CRACD: variants seen among roughly 807,000 people sequenced by gnomAD.
CRACD encodes the protein capping protein-inhibiting regulator of actin dynamics.
A neutral mutation model predicts 106.8 loss-of-function variants in CRACD; 56 were observed. The observed-to-expected ratio is 0.52, with a 90% CI of 0.42 to 0.66. The LOEUF (loss-of-function observed/expected upper bound fraction) is 0.66. CRACD is among the 30% of genes least tolerant of loss of function. The pLI, the probability that CRACD is intolerant of heterozygous loss-of-function variation, is 0.00. For missense variants in CRACD, 1,730 were observed against 1,623.2 expected (o/e 1.07, Z -1.13); for synonymous variants, 754 against 670.8 (o/e 1.12, Z -1.92).
intron 1 of CRACD, among the ~76,000 whole-genome samples, chr4:56,158,794 A>G (rs1005246760): frequency 4.6e-5 from 7 of 152,242 alleles, no homozygotes; most frequent in African/African-American, 1.7e-4. Context: ...GAATTTGCAT[A>G]TTGATGAAAG....
chr4:56,155,169 CTT>C (rs1321951163), intron 1 of CRACD, among the ~76,000 whole-genome samples: 2 of 152,018 alleles, frequency 1.3e-5, no homozygotes, highest in Non-Finnish European at 2.9e-5. Context: ...TGGCACAAGT[CTT>C]TTCATTTCAA....
intron 2 of CRACD, among the ~76,000 whole-genome samples, chr4:56,259,177 A>G (rs1426371236): frequency 6.6e-6 from 1 of 152,170 alleles, no homozygotes; most frequent in African/African-American, 2.4e-5. Flanking sequence ...CATGAATGGC[A>G]TGCAGGGGAG....
chr4:56,315,821 G>C lies in CRACD; in HGVS notation c.2319G>C (p.Pro773=). The part of the protein sequence containing the change: ...PAGVRELGKG[P]EKSEMHREPA... ...GTGTTCGCGAGCTCGGGAAGGGTCC[G>C]GAGAAGTCGGAGATGCACCGGGAGC... The change falls in exon 8 of 11, where the codon CCG becomes CCC. Residue 773 remains proline, a synonymous_variant. Coordinates refer to ENST00000682029, the MANE Select transcript of CRACD (RefSeq NM_001393381.1). The surrounding 1 kb of genome is among the most constrained non-coding windows in gnomAD (Gnocchi z 4.1). 2 of 1,614,168 alleles carry C rather than the reference G, an allele frequency of 1.2e-6. No homozygotes were observed. Among genetic ancestry groups the C allele is most frequent in the South Asian group, 2.2e-5 (2 of 91,082 alleles).
chr4:56,051,632 G>A (rs1301173446), intron 1 of CRACD, among the ~76,000 whole-genome samples: 2 of 152,070 alleles, frequency 1.3e-5, no homozygotes, highest in Non-Finnish European at 2.9e-5. Context: ...TGGATCTCAC[G>A]CCCAGAGCTT....
intron 2 of CRACD, among the ~76,000 whole-genome samples, chr4:56,238,987 T>C (rs981718000): frequency 1.3e-5 from 2 of 152,188 alleles, no homozygotes; most frequent in Non-Finnish European, 2.9e-5. Flanking sequence ...TCTAAACTTA[T>C]GTAAAGATTA....
intron 1 of CRACD, among the ~76,000 whole-genome samples, chr4:56,077,353 G>A (rs1175054606): frequency 6.6e-6 from 1 of 152,136 alleles, no homozygotes; most frequent in African/African-American, 2.4e-5. Flanking sequence ...CCTCCTATGG[G>A]TCCCTCCCAT....
rs146693174 is a variant in CRACD, at chr4:56,082,522, A to G, written c.-336+33223A>G. On this transcript the variant is annotated intron_variant, in intron 1 of 10. Coordinates refer to ENST00000682029, the MANE Select transcript of CRACD (RefSeq NM_001393381.1). Reference sequence around the variant, plus strand: ...TGGTGCCTTTTATGAGGGGGATGGTAGGGTAGATGGAGTGAAGTAGATAGA... The same window carrying G: ...TGGTGCCTTTTATGAGGGGGATGGTGGGGTAGATGGAGTGAAGTAGATAGA... 2.6e-5 allele frequency among the ~76,000 whole-genome samples: 4 copies of G among 152,308 alleles called. No homozygotes were observed. In the East Asian group the frequency reaches 5.8e-4, roughly 22 times the overall value.
chr4:56,255,876 C>T (rs1741325516), intron 2 of CRACD, among the ~76,000 whole-genome samples: 1 of 152,192 alleles, frequency 6.6e-6, no homozygotes. Flanking sequence ...AAAAGCTGCT[C>T]ATTTTGAATA....
intron 1 of CRACD, among the ~76,000 whole-genome samples, chr4:56,076,249 C>G (rs897980863): frequency 3.3e-5 from 5 of 152,128 alleles, no homozygotes; most frequent in Non-Finnish European, 7.4e-5. Flanking sequence ...CCTGCCGGCA[C>G]CTTGATCTCA....
intron 1 of CRACD, among the ~76,000 whole-genome samples, chr4:56,091,574 A>G (rs981536703): frequency 6.6e-6 from 1 of 152,042 alleles, no homozygotes; most frequent in Admixed American, 6.5e-5. Context: ...AAAGCCTGCT[A>G]TGTTTCAGGG....
rs1433680329 is a variant in CRACD, at chr4:56,314,552, G to A, written c.1050G>A (p.Glu350=). The A allele has an allele frequency of 6.6e-7, 1 of 1,508,800 alleles. No homozygotes were observed. Among genetic ancestry groups the A allele is most frequent in the Non-Finnish European group, 8.8e-7 (1 of 1,131,766 alleles). 93.5% of individuals were successfully genotyped at this position (1,508,800 alleles called of 1,614,324 possible). A position where few individuals can be genotyped will look rare whatever the true frequency, so the allele number is the denominator to read the frequency against. ...AGGAGCGGAGGCGGCAGGAGGAGGA[G>A]GAAGGAAGATGCGCGGAGGAGCTCA... The part of the protein sequence containing the change: ...RLEERRRQEE[E]EGRCAEELKR... The change falls in exon 8 of 11, where the codon GAG becomes GAA. Residue 350 remains glutamate (E), a synonymous_variant. Transcript: ENST00000682029. The surrounding 1 kb of genome is among the most constrained non-coding windows in gnomAD (Gnocchi z 4.4).
At chr4:56,281,998 T>A (rs1743064963) in intron 3 of CRACD, among the ~76,000 whole-genome samples, 1 of 152,214 alleles carries the variant, frequency 6.6e-6, no homozygotes, top group East Asian at 1.9e-4. Flanking sequence ...TATATTTTGA[T>A]AGAATACGGA....
intron 1 of CRACD, among the ~76,000 whole-genome samples, chr4:56,137,410 A>G (rs1735039529): frequency 6.6e-6 from 1 of 152,238 alleles, no homozygotes; most frequent in Non-Finnish European, 1.5e-5. Flanking sequence ...AATAGTAACA[A>G]TAAATTATAG....
chr4:56,101,484 C>T (rs1387347451), intron 1 of CRACD, among the ~76,000 whole-genome samples: 4 of 152,130 alleles, frequency 2.6e-5, no homozygotes, highest in African/African-American at 9.6e-5. Flanking sequence ...ATGTGTTGGC[C>T]GGGTGCAGTG....
At chr4:56,082,629 C>T (rs1370920588) in intron 1 of CRACD, among the ~76,000 whole-genome samples, 1 of 152,048 alleles carries the variant, frequency 6.6e-6, no homozygotes, top group East Asian at 1.9e-4. Flanking sequence ...TCAAAGATGA[C>T]TTCTAGGTTT....
chr4:56,099,095 G>T (rs1226570155), intron 1 of CRACD, among the ~76,000 whole-genome samples: 1 of 152,202 alleles, frequency 6.6e-6, no homozygotes, highest in African/African-American at 2.4e-5. Context: ...ACAGGTGACA[G>T]TTTAGATTTC....
intron 1 of CRACD, among the ~76,000 whole-genome samples, chr4:56,146,089 T>C (rs1475591379): frequency 6.6e-6 from 1 of 152,206 alleles, no homozygotes; most frequent in Non-Finnish European, 1.5e-5. Flanking sequence ...TACATTTTAT[T>C]ATTATGGACT....
intron 2 of CRACD, among the ~76,000 whole-genome samples, chr4:56,256,352 G>A (rs1400667459): frequency 6.6e-6 from 1 of 152,142 alleles, no homozygotes; most frequent in Non-Finnish European, 1.5e-5. Flanking sequence ...TGCCATGATT[G>A]TGAGGCCTCC....
At chr4:56,301,185 TA>T in intron 4 of CRACD, 1 of 1,267,994 alleles carries the variant, frequency 7.9e-7, no homozygotes, top group South Asian at 1.3e-5. Flanking sequence ...ACTTGAGATA[TA>T]ACTGAATCAT....
Sources: allele counts gnomAD v4.1 joint callset (sites outside exome capture counted in the v4.1 genomes callset), GRCh38; gene constraint gnomAD v4.1.1; non-coding constraint Gnocchi (gnomAD v3.1); transcripts MANE v1.5; gene names NCBI Gene and HGNC (gene_info 2026-07-23, HGNC 2026-07-21).